The following CDKAL1 variants were observed in gnomAD, a reference collection of about 807,000 sequenced individuals.
CDKAL1 encodes threonylcarbamoyladenosine tRNA methylthiotransferase.
CDKAL1 carries 32 observed loss-of-function variants against 68.2 expected under a neutral mutation model. That is an observed-to-expected ratio of 0.47 (90% CI 0.35 to 0.63). The LOEUF (loss-of-function observed/expected upper bound fraction) is 0.63. Among genes scored for constraint, CDKAL1 ranks in the 30% least tolerant of loss-of-function variants. The pLI is 0.00. For missense variants in CDKAL1, 606 were observed against 696.7 expected (o/e 0.87, Z 1.47); for synonymous variants, 234 against 244.3 (o/e 0.96, Z 0.39).
chr6:20,594,163 G>T (rs914268323), intron 4 of CDKAL1, among the ~76,000 whole-genome samples: 1 of 152,204 alleles, frequency 6.6e-6, no homozygotes, highest in Non-Finnish European at 1.5e-5. Context: ...TTGATTTGGG[G>T]TGGAGAGTTC....
At chr6:20,910,347 G>T (rs1762414468) in intron 9 of CDKAL1, among the ~76,000 whole-genome samples, 1 of 152,190 alleles carries the variant, frequency 6.6e-6, no homozygotes, top group Admixed American at 6.5e-5. Flanking sequence ...CCCACCTGTG[G>T]GTAGAGGGCC....
At chr6:20,544,640 C>G in intron 2 of CDKAL1, among the ~76,000 whole-genome samples, 1 of 145,660 alleles carries the variant, frequency 6.9e-6, no homozygotes, top group East Asian at 2.0e-4. Flanking sequence ...ACCAGTTCTT[C>G]TTACTTTACT....
intron 13 of CDKAL1, among the ~76,000 whole-genome samples, chr6:21,166,047 G>T (rs1031680162): frequency 1.3e-5 from 2 of 152,282 alleles, no homozygotes; most frequent in South Asian, 4.1e-4. Context: ...TAATAATAGT[G>T]CTTACCTCAT....
In CDKAL1 at chr6:20,642,748, A is replaced by G. The variant is rs146996018; in HGVS notation, c.287-6545A>G. 4.3e-3 allele frequency among the ~76,000 whole-genome samples: 655 copies of G among 152,288 alleles called. 3 individuals carry two copies. Among genetic ancestry groups the G allele is most frequent in the African/African-American group, 0.015 (623 of 41,556 alleles). ...ATGAGAATTTATCCTCTGACCCCAC[A>G]TTCCCACCTTTTTGGACTCGATTCC... On this transcript the variant is annotated intron_variant, in intron 4 of 15. Transcript: ENST00000274695.
At chr6:20,967,043 C>T (rs556314950) in intron 10 of CDKAL1, among the ~76,000 whole-genome samples, 4 of 152,306 alleles carry the variant, frequency 2.6e-5, no homozygotes, top group Admixed American at 2.6e-4. Flanking sequence ...TGGTTACTGA[C>T]AATACTTGGC....
intron 10 of CDKAL1, among the ~76,000 whole-genome samples, chr6:20,999,578 G>A (rs796403506): frequency 2.7e-5 from 4 of 149,872 alleles, no homozygotes; most frequent in African/African-American, 9.9e-5. Flanking sequence ...AAAGTTAGTA[G>A]GTGCCCAGTG....
At chr6:20,941,100 A>G (rs536618366) in intron 9 of CDKAL1, among the ~76,000 whole-genome samples, 2 of 151,962 alleles carry the variant, frequency 1.3e-5, no homozygotes, top group East Asian at 1.9e-4. Flanking sequence ...CAAAAAGAAA[A>G]AAAAAAAAAA....
At chr6:20,832,484 AAAAC>A (rs1430342867) in intron 8 of CDKAL1, among the ~76,000 whole-genome samples, 2 of 151,920 alleles carry the variant, frequency 1.3e-5, no homozygotes, top group African/African-American at 2.4e-5. Flanking sequence ...AAAAAAAAAA[AAAAC>A]AAAACACGTG....
At chr6:20,663,804 T>C (rs1278965874) in intron 5 of CDKAL1, among the ~76,000 whole-genome samples, 1 of 152,098 alleles carries the variant, frequency 6.6e-6, no homozygotes, top group Non-Finnish European at 1.5e-5. Flanking sequence ...ATGATGATTA[T>C]CATGGAGGGT....
chr6:21,146,576 C>T (rs1168574598), intron 13 of CDKAL1, among the ~76,000 whole-genome samples: 2 of 152,026 alleles, frequency 1.3e-5, no homozygotes, highest in Non-Finnish European at 2.9e-5. Flanking sequence ...TTTGGCCCGG[C>T]GTGGTGGCTC....
intron 12 of CDKAL1, among the ~76,000 whole-genome samples, chr6:21,091,775 G>A (rs917123546): frequency 2.0e-5 from 3 of 150,780 alleles, no homozygotes; most frequent in Non-Finnish European, 4.4e-5. Flanking sequence ...TGACATCAGA[G>A]GTTCCATAAT....
chr6:20,732,263 C>CTTTTTTTTTTTTTTTTTTTTTT (rs56911987), intron 5 of CDKAL1, among the ~76,000 whole-genome samples: 24 of 83,482 alleles, frequency 2.9e-4, no homozygotes, highest in African/African-American at 9.8e-4. Flanking sequence ...TTCTTTCTTT[C>CTTTTTTTTTTTTTTTTTTTTTT]TTTTTTTTTT....
intron 5 of CDKAL1, among the ~76,000 whole-genome samples, chr6:20,688,235 G>A (rs767085019): frequency 3.3e-5 from 5 of 151,466 alleles, no homozygotes; most frequent in Non-Finnish European, 7.4e-5. Context: ...ATCCTGCTTG[G>A]CATTCACAGT....
intron 9 of CDKAL1, among the ~76,000 whole-genome samples, chr6:20,952,151 G>A (rs9358382): frequency 0.18 from 26,840 of 151,510 alleles, 2,731 homozygotes; most frequent in Admixed American, 0.26. Context: ...GTAGAGACAG[G>A]GTTTCACCGT....
chr6:20,544,795 C>G (rs1293599757), intron 2 of CDKAL1, among the ~76,000 whole-genome samples: 1 of 152,052 alleles, frequency 6.6e-6, no homozygotes, highest in Non-Finnish European at 1.5e-5. Context: ...TCTCCACTGA[C>G]ACTGCAAAAC....
At chr6:20,788,311 T>G (rs1775758285) in intron 8 of CDKAL1, among the ~76,000 whole-genome samples, 2 of 152,246 alleles carry the variant, frequency 1.3e-5, no homozygotes, top group African/African-American at 4.8e-5. Flanking sequence ...AAAGTAAATG[T>G]ATAGTTTTCC....
intron 4 of CDKAL1, among the ~76,000 whole-genome samples, chr6:20,626,164 C>T (rs919548663): frequency 6.6e-6 from 1 of 152,030 alleles, no homozygotes; most frequent in African/African-American, 2.4e-5. Context: ...GTTCAGAAGC[C>T]CTCTTCCTTT....
chr6:20,826,826 A>T (rs1049240409), intron 8 of CDKAL1, among the ~76,000 whole-genome samples: 9 of 152,098 alleles, frequency 5.9e-5, no homozygotes, highest in Admixed American at 6.6e-5. Context: ...TGGTGAGCAA[A>T]CTACCAGTCT....
intron 11 of CDKAL1, among the ~76,000 whole-genome samples, chr6:21,027,788 T>C (rs1769041801): frequency 6.6e-6 from 1 of 152,168 alleles, no homozygotes; most frequent in Non-Finnish European, 1.5e-5. Flanking sequence ...GGTAATCTGT[T>C]ACAGCAGCAG....
Sources: allele counts gnomAD v4.1 joint callset (sites outside exome capture counted in the v4.1 genomes callset), GRCh38; gene constraint gnomAD v4.1.1; transcripts MANE v1.5; gene names NCBI Gene and HGNC (gene_info 2026-07-23, HGNC 2026-07-21).